ANO4: variants seen among roughly 807,000 people sequenced by gnomAD.
The protein encoded by ANO4 is anoctamin 4, also known as anoctamin-4.
In ANO4, 69 loss-of-function variants were observed where a neutral mutation model predicts 141.9. The observed-to-expected ratio is 0.49, with a 90% CI of 0.40 to 0.59. The LOEUF is 0.59. ANO4 is among the 20% of genes least tolerant of loss of function. The pLI, the probability that ANO4 is intolerant of heterozygous loss-of-function variation, is 0.00. For missense variants in ANO4, 894 were observed against 1,162.2 expected (o/e 0.77, Z 3.36); for synonymous variants, 350 against 394.3 (o/e 0.89, Z 1.33).
At chr12:100,946,474 A>G (rs1207938224) in intron 5 of ANO4, among the ~76,000 whole-genome samples, 1 of 152,156 alleles carries the variant, frequency 6.6e-6, no homozygotes. Context: ...AGAAGAGTAG[A>G]AAGTAGCACT....
Position 100,935,261 on chromosome 12 carries a change from A to G in ANO4, c.161-4054A>G, listed in dbSNP as rs573121954. 4.6e-5 allele frequency among the ~76,000 whole-genome samples: 7 copies of G among 152,270 alleles called. No homozygotes were observed. In the South Asian group the frequency reaches 1.0e-3, roughly 23 times the overall value. ...AATAGCTCTTATTATTTTGAGATACATTCCATCAATACCTAATTTATTGAG... is the reference window on the plus strand; with the variant it reads ...AATAGCTCTTATTATTTTGAGATACGTTCCATCAATACCTAATTTATTGAG... On this transcript the variant is annotated intron_variant, in intron 3 of 27. Transcript: ENST00000392977.
At chr12:100,717,933 G>T (rs1057055317) in intron 1 of ANO4, among the ~76,000 whole-genome samples, 2 of 152,150 alleles carry the variant, frequency 1.3e-5, no homozygotes, top group African/African-American at 4.8e-5. Context: ...CTGACCTTGG[G>T]CAAGTTATTT....
intron 9 of ANO4, among the ~76,000 whole-genome samples, chr12:101,023,287 G>A (rs2046604925): frequency 6.6e-6 from 1 of 152,190 alleles, no homozygotes; most frequent in Admixed American, 6.5e-5. Flanking sequence ...AGGAAGTGTA[G>A]TATTGTTGCT....
rs1388616102 is a variant in ANO4, at chr12:101,042,806, C to A, written c.1154+338C>A. Among the ~76,000 whole-genome samples the A allele has an allele frequency of 2.6e-5, 4 of 152,262 alleles. No homozygotes were observed. In the South Asian group the frequency reaches 8.3e-4, roughly 32 times the overall value. ...CTGATACTGCAAAATAGTGAACTAACAATTCTCTCTTATGAATTCTGTGTT... is the reference window on the plus strand; with the variant it reads ...CTGATACTGCAAAATAGTGAACTAAAAATTCTCTCTTATGAATTCTGTGTT... On this transcript the variant is annotated intron_variant, in intron 12 of 27. Coordinates refer to ENST00000392977, the MANE Select transcript of ANO4 (RefSeq NM_001286615.2).
intron 3 of ANO4, among the ~76,000 whole-genome samples, chr12:100,769,011 A>G (rs911384814): frequency 1.3e-5 from 2 of 152,216 alleles, no homozygotes; most frequent in Non-Finnish European, 2.9e-5. Flanking sequence ...CTGTTCAGGT[A>G]GCTATTTACA....
At chr12:100,947,727 ACT>A (rs1189045870) in intron 5 of ANO4, among the ~76,000 whole-genome samples, 2 of 152,192 alleles carry the variant, frequency 1.3e-5, no homozygotes, top group East Asian at 3.9e-4. Flanking sequence ...TTTATTAATC[ACT>A]TACTATTATA....
chr12:100,801,231 GA>G (rs2034669808), intron 1 of ANO4, among the ~76,000 whole-genome samples: 1 of 152,118 alleles, frequency 6.6e-6, no homozygotes, highest in Non-Finnish European at 1.5e-5. Flanking sequence ...TGAACAAACA[GA>G]TGGGAATCAC....
intron 11 of ANO4, among the ~76,000 whole-genome samples, chr12:101,041,690 G>A (rs537054108): frequency 6.6e-6 from 1 of 152,222 alleles, no homozygotes; most frequent in Non-Finnish European, 1.5e-5. Context: ...GAAACATCGA[G>A]AAAAGAAAAT....
chr12:100,725,440 G>A (rs1026144610), intron 1 of ANO4, among the ~76,000 whole-genome samples: 10 of 146,780 alleles, frequency 6.8e-5, no homozygotes, highest in Non-Finnish European at 4.5e-5. Flanking sequence ...TCCGCCTTCC[G>A]GGTTCACGCC....
At chr12:101,120,151 G>C (rs1009636080) in intron 25 of ANO4, among the ~76,000 whole-genome samples, 6 of 152,044 alleles carry the variant, frequency 3.9e-5, no homozygotes, top group African/African-American at 1.4e-4. Flanking sequence ...TCTCAAGCAG[G>C]CTCTCTCTCT....
intron 1 of ANO4, among the ~76,000 whole-genome samples, chr12:100,727,106 T>A (rs1224060962): frequency 1.3e-5 from 2 of 152,212 alleles, no homozygotes; most frequent in Non-Finnish European, 2.9e-5. Flanking sequence ...TCAAGTTTTA[T>A]AATACTTCAC....
chr12:100,855,534 T>G (rs2135867546), intron 1 of ANO4, among the ~76,000 whole-genome samples: 1 of 152,328 alleles, frequency 6.6e-6, no homozygotes, highest in Non-Finnish European at 1.5e-5. Context: ...ACCATTTTAA[T>G]GGCTCTATGA....
chr12:100,990,053 G>A (rs967990434), intron 8 of ANO4, among the ~76,000 whole-genome samples: 1 of 152,072 alleles, frequency 6.6e-6, no homozygotes. Flanking sequence ...ACATGGATGG[G>A]TATAGGAGTG....
intron 3 of ANO4, among the ~76,000 whole-genome samples, chr12:100,779,664 A>G (rs2033651054): frequency 6.6e-6 from 1 of 152,076 alleles, no homozygotes; most frequent in African/African-American, 2.4e-5. Flanking sequence ...CCTCATATGT[A>G]GGTTGGTATG....
At position 100,815,093 on chromosome 12, in the gene ANO4, A is replaced by G. The variant is rs141024118; in HGVS notation, c.-141+20066A>G. ...AGAGAGAGAGGGCATGAGCAAGTGC[A>G]TAAGTGATGGTGGGGGGAATGGTTA... On this transcript the variant is annotated intron_variant, in intron 1 of 27. Transcript: ENST00000392977. 3.1e-3 allele frequency among the ~76,000 whole-genome samples: 479 copies of G among 152,240 alleles called. 1 individual carries two copies. Among genetic ancestry groups the G allele is most frequent in the Non-Finnish European group, 5.1e-3 (349 of 67,992 alleles).
intron 3 of ANO4, among the ~76,000 whole-genome samples, chr12:100,741,542 C>A (rs1180928759): frequency 6.6e-6 from 1 of 152,116 alleles, no homozygotes; most frequent in Non-Finnish European, 1.5e-5. Context: ...ACAAACATAC[C>A]TGGAGGACCC....
intron 2 of ANO4, among the ~76,000 whole-genome samples, chr12:100,738,674 ATATATT>A (rs2031715285): frequency 6.6e-6 from 1 of 152,046 alleles, no homozygotes; most frequent in Admixed American, 6.6e-5. Context: ...ATCAGATACT[ATATATT>A]TATATATTTA....
intron 8 of ANO4, among the ~76,000 whole-genome samples, chr12:101,006,686 C>G (rs999426151): frequency 6.6e-6 from 1 of 152,150 alleles, no homozygotes; most frequent in African/African-American, 2.4e-5. Context: ...GCTGAGCAAG[C>G]AAAGCAACTT....
chr12:100,793,181 T>C (rs2034118207), upstream of ANO4, among the ~76,000 whole-genome samples: 3 of 152,246 alleles, frequency 2.0e-5, no homozygotes, highest in Admixed American at 2.0e-4. Context: ...TGATGCATAA[T>C]TGATGTTCTT....
Sources: allele counts gnomAD v4.1 joint callset (sites outside exome capture counted in the v4.1 genomes callset), GRCh38; gene constraint gnomAD v4.1.1; transcripts MANE v1.5; gene names NCBI Gene and HGNC (gene_info 2026-07-23, HGNC 2026-07-21).